The following PIGK variants were observed in gnomAD, a reference collection of about 807,000 sequenced individuals.
PIGK encodes GPI-anchor transamidase.
PIGK carries 42 observed loss-of-function variants against 50.6 expected under a neutral mutation model. The observed-to-expected ratio is 0.83, with a 90% CI of 0.65 to 1.07. PIGK has a LOEUF of 1.07. Ranked by LOEUF, PIGK falls within the 50% of genes least tolerant of loss-of-function variation. PIGK has a pLI of 0.00. For synonymous variants in PIGK, 151 were observed against 156.0 expected, an observed-to-expected ratio of 0.97 and a Z score of 0.24; for missense variants, 448 against 488.7, an observed-to-expected ratio of 0.92 and a Z score of 0.78.
intron 1 of PIGK, among the ~76,000 whole-genome samples, chr1:77,214,750 A>C (rs1656511943): frequency 6.6e-6 from 1 of 152,058 alleles, no homozygotes; most frequent in Non-Finnish European, 1.5e-5. Context: ...ATTTAGAAAA[A>C]CCTAAACACT....
intron 10 of PIGK, among the ~76,000 whole-genome samples, chr1:77,116,102 C>G (rs1361567407): frequency 6.6e-6 from 1 of 152,058 alleles, no homozygotes; most frequent in Non-Finnish European, 1.5e-5. Flanking sequence ...TACACGGAGC[C>G]TCTGCCTTAG....
intron 10 of PIGK, among the ~76,000 whole-genome samples, chr1:77,094,904 T>C (rs1217472500): frequency 1.3e-5 from 2 of 152,064 alleles, no homozygotes; most frequent in East Asian, 1.9e-4. Context: ...CAAAGTGCTA[T>C]TTCTCCAACA....
intron 10 of PIGK, among the ~76,000 whole-genome samples, chr1:77,118,143 C>T (rs905918584): frequency 6.6e-6 from 1 of 152,138 alleles, no homozygotes. Flanking sequence ...GTTCATTAGG[C>T]TGTTCAGTTT....
chr1:77,155,144 T>A (rs1399643849), intron 8 of PIGK, among the ~76,000 whole-genome samples: 1 of 152,184 alleles, frequency 6.6e-6, no homozygotes, highest in Non-Finnish European at 1.5e-5. Flanking sequence ...CTACTGCATA[T>A]CCTCTTGCTC....
At chr1:77,202,161 A>G (rs961988059) in intron 3 of PIGK, among the ~76,000 whole-genome samples, 2 of 152,200 alleles carry the variant, frequency 1.3e-5, no homozygotes, top group Non-Finnish European at 2.9e-5. Flanking sequence ...GTATTCATAA[A>G]AGTTTCCTTT....
intron 4 of PIGK, among the ~76,000 whole-genome samples, chr1:77,168,952 G>GA (rs1655293328): frequency 6.6e-6 from 1 of 151,780 alleles, no homozygotes; most frequent in African/African-American, 2.4e-5. Context: ...GGTCAAATAT[G>GA]AAAAATACAC....
chr1:77,186,021 A>C (rs1655730057), intron 3 of PIGK, among the ~76,000 whole-genome samples: 1 of 152,198 alleles, frequency 6.6e-6, no homozygotes, highest in Non-Finnish European at 1.5e-5. Context: ...GCCATAAAGT[A>C]GGTCATGCAC....
chr1:77,167,851 A>T (rs1655268904), intron 4 of PIGK, among the ~76,000 whole-genome samples: 1 of 152,214 alleles, frequency 6.6e-6, no homozygotes, highest in African/African-American at 2.4e-5. Context: ...TATTGCAGCT[A>T]ATCTGTACAA....
chr1:77,136,922 G>A (rs1391394455), intron 9 of PIGK, among the ~76,000 whole-genome samples: 1 of 151,898 alleles, frequency 6.6e-6, no homozygotes. Flanking sequence ...TCTCCTTTCA[G>A]GTATGAGAAA....
chr1:77,176,071 G>A (rs1479212439), intron 3 of PIGK, among the ~76,000 whole-genome samples: 2 of 152,072 alleles, frequency 1.3e-5, no homozygotes, highest in Non-Finnish European at 2.9e-5. Context: ...AAAGACAGAT[G>A]GTTTGGAAAG....
At chr1:77,115,636 A>T (rs1653943638) in intron 10 of PIGK, among the ~76,000 whole-genome samples, 1 of 152,130 alleles carries the variant, frequency 6.6e-6, no homozygotes. Flanking sequence ...GTTACACTGG[A>T]AAAAAATACC....
chr1:77,161,764 C>T, intron 6 of PIGK, 53 bp from the exon 7 acceptor site: 1 of 772,774 alleles, frequency 1.3e-6, no homozygotes, highest in East Asian at 2.5e-5. Context: ...AAATCATACA[C>T]TAATATTTCT....
At chr1:77,195,222 C>G in intron 3 of PIGK, 1 of 1,226,162 alleles carries the variant, frequency 8.2e-7, no homozygotes, top group Non-Finnish European at 1.2e-6. Flanking sequence ...CTGGACTTTT[C>G]TTACTGGCAG....
rs139847744 is a variant in PIGK at position 77,135,010 on chromosome 1, G to A, written c.987-12651C>T. On this transcript the variant is annotated intron_variant, in intron 9 of 10. Transcript: ENST00000370812. Reference sequence around the variant, plus strand: ...GCTCCTCAAGATTCCAACACCTTATGTTATTAAGACTTACTCTTTTGGCCT... The same window carrying A: ...GCTCCTCAAGATTCCAACACCTTATATTATTAAGACTTACTCTTTTGGCCT... Among the ~76,000 whole-genome samples, 777 of 151,986 alleles carry A rather than the reference G, an allele frequency of 5.1e-3. 9 individuals are homozygous for A. Among genetic ancestry groups the A allele is most frequent in the Non-Finnish European group, 4.3e-3 (291 of 67,932 alleles).
At position 77,153,553 on chromosome 1, in the gene PIGK, G is replaced by A. The variant is rs146284306; in HGVS notation, c.986+896C>T. 6 of 152,044 alleles carry A rather than the reference G, an allele frequency of 3.9e-5. No individual in the cohort carries two copies. The East Asian group carries it at 7.7e-4, about 20-fold the overall frequency. 9.4% of individuals were successfully genotyped at this position (152,044 alleles called of 1,614,324 possible). A position where few individuals can be genotyped will look rare whatever the true frequency, so the allele number is the denominator to read the frequency against. On this transcript the variant is annotated intron_variant, in intron 9 of 10. Coordinates refer to ENST00000370812, the MANE Select transcript of PIGK (RefSeq NM_005482.3). ...AGGTGATGGATATTCCAGTTACCCT[G>A]ATTTAATCATTAAACACTGTACACA...
chr1:77,212,764 T>C (rs1656449958), intron 1 of PIGK, among the ~76,000 whole-genome samples: 1 of 152,146 alleles, frequency 6.6e-6, no homozygotes, highest in South Asian at 2.1e-4. Context: ...CATACAATTA[T>C]AAGTATGTAT....
intron 4 of PIGK, among the ~76,000 whole-genome samples, chr1:77,168,558 C>A (rs1655282337): frequency 6.6e-6 from 1 of 151,476 alleles, no homozygotes; most frequent in Non-Finnish European, 1.5e-5. Flanking sequence ...GCTCTAGGTA[C>A]TTGCCAGCTA....
intron 8 of PIGK, among the ~76,000 whole-genome samples, chr1:77,156,144 GATAAA>G (rs146884831): frequency 0.086 from 13,057 of 151,972 alleles, 727 homozygotes; most frequent in Non-Finnish European, 0.13. Flanking sequence ...AAAAATGACA[GATAAA>G]ATAAAATAAG....
At chr1:77,168,094 A>C (rs1236477179) in intron 4 of PIGK, among the ~76,000 whole-genome samples, 1 of 152,190 alleles carries the variant, frequency 6.6e-6, no homozygotes, top group Non-Finnish European at 1.5e-5. Context: ...TGTTGCTCAG[A>C]TTTTGTTAGT....
Sources: gnomAD v4.1 joint callset for allele counts (sites outside exome capture counted in the v4.1 genomes callset) on GRCh38, gnomAD v4.1.1 for gene constraint, MANE v1.5 for transcripts, NCBI Gene and HGNC (gene_info 2026-07-23, HGNC 2026-07-21) for gene names.